The following BCCIP variants were observed in gnomAD, a reference collection of about 807,000 sequenced individuals.
The protein encoded by BCCIP is BRCA2 and CDKN1A-interacting protein.
BCCIP carries 23 observed loss-of-function variants against 32.8 expected under a neutral mutation model. The observed-to-expected ratio is 0.70, with a 90% CI of 0.51 to 0.99. The LOEUF is 0.99. Among genes scored for constraint, BCCIP ranks in the 50% least tolerant of loss-of-function variants. The pLI is 0.00. For missense variants in BCCIP, 378 were observed against 379.8 expected, an observed-to-expected ratio of 1.00 and a Z score of 0.04; for synonymous variants, 144 against 137.6, an observed-to-expected ratio of 1.05 and a Z score of -0.33.
At chr10:125,845,386 A>C (rs1944003961), downstream of BCCIP, among the ~76,000 whole-genome samples, 1 of 152,258 alleles carries the variant, frequency 6.6e-6, no homozygotes, top group Non-Finnish European at 1.5e-5. Flanking sequence ...AAGGTAGCTG[A>C]CATTATGCAA....
chr10:125,838,948 G>C, downstream of BCCIP: 1 of 1,526,146 alleles, frequency 6.6e-7, no homozygotes, highest in Non-Finnish European at 8.9e-7. Context: ...AGCATATCCT[G>C]AGTATGTGCA....
At chr10:125,839,288 C>G (rs1430186532), downstream of BCCIP, 2 of 1,275,186 alleles carry the variant, frequency 1.6e-6, no homozygotes, top group Non-Finnish European at 2.2e-6. Flanking sequence ...GTGCTCTCCT[C>G]TCCTACAAAG....
intron 6 of BCCIP, among the ~76,000 whole-genome samples, chr10:125,835,578 C>CA (rs5788716): frequency 1.4e-5 from 2 of 144,716 alleles, no homozygotes; most frequent in African/African-American, 2.5e-5. Context: ...GACTCTGTCT[C>CA]AAAAAAAAAA....
intron 2 of BCCIP, among the ~76,000 whole-genome samples, chr10:125,827,170 T>C (rs1346512122): frequency 6.6e-6 from 1 of 152,048 alleles, no homozygotes; most frequent in Non-Finnish European, 1.5e-5. Context: ...AACAGTCATA[T>C]AACTGTGCTG....
downstream of BCCIP, among the ~76,000 whole-genome samples, chr10:125,839,492 C>T (rs1382469845): frequency 2.0e-5 from 3 of 152,158 alleles, no homozygotes; most frequent in Admixed American, 6.5e-5. Flanking sequence ...TTCACTAACC[C>T]GTGGCTCATA....
chr10:125,849,126 G>T (rs959245538), intron 7 of BCCIP, among the ~76,000 whole-genome samples: 2 of 152,168 alleles, frequency 1.3e-5, no homozygotes, highest in African/African-American at 4.8e-5. Context: ...AGTTCACAGG[G>T]ACATGGTCAG....
chr10:125,834,704 G>A (rs1271449360), intron 6 of BCCIP, among the ~76,000 whole-genome samples: 2 of 151,892 alleles, frequency 1.3e-5, no homozygotes, highest in Non-Finnish European at 1.5e-5. Context: ...CCAGCTACTC[G>A]GAAGGCTAAG....
chr10:125,845,303 T>C (rs1944000630), downstream of BCCIP, among the ~76,000 whole-genome samples: 1 of 152,222 alleles, frequency 6.6e-6, no homozygotes, highest in Non-Finnish European at 1.5e-5. Flanking sequence ...CAGGTCTCTT[T>C]TGTTATAACA....
intron 7 of BCCIP, among the ~76,000 whole-genome samples, chr10:125,850,421 A>G (rs1944075923): frequency 7.0e-6 from 1 of 142,414 alleles, no homozygotes; most frequent in African/African-American, 2.7e-5. Flanking sequence ...GCAATGGCGC[A>G]ATCTTGGTTC....
rs753073267 is a variant in BCCIP at position 125,849,262 on chromosome 10, C to T, written c.851-3863C>T. Reference sequence around the variant, plus strand: ...CCATCTTTCCGCCTGCACTGTTGCACGCAAAAACATATCAACTTAAATGAT... The same window carrying T: ...CCATCTTTCCGCCTGCACTGTTGCATGCAAAAACATATCAACTTAAATGAT... On this transcript the variant is annotated intron_variant, in intron 7 of 7. Transcript: ENST00000368759. Among the ~76,000 whole-genome samples the T allele has an allele frequency of 3.9e-5, 6 of 152,182 alleles. No homozygotes were observed. The South Asian group carries it at 8.3e-4, about 21-fold the overall frequency.
intron 3 of BCCIP, among the ~76,000 whole-genome samples, chr10:125,829,190 C>T (rs536810405): frequency 6.6e-6 from 1 of 152,178 alleles, no homozygotes; most frequent in African/African-American, 2.4e-5. Context: ...GCCACAGTAC[C>T]TTAATCTGTT....
chr10:125,836,931 C>A, downstream of BCCIP: 1 of 1,299,166 alleles, frequency 7.7e-7, no homozygotes, highest in Non-Finnish European at 1.1e-6. Flanking sequence ...TGTCTGGGCA[C>A]TTCCCATCCC....
chr10:125,836,936 C>T (rs1564821120), downstream of BCCIP: 1 of 1,263,462 alleles, frequency 7.9e-7, no homozygotes, highest in South Asian at 1.4e-5. Flanking sequence ...GGGCACTTCC[C>T]ATCCCTGGAG....
Position 125,836,444 on chromosome 10 carries a change from T to C in BCCIP, c.*170T>C. 4 of 1,432,496 alleles carry C rather than the reference T, an allele frequency of 2.8e-6. No homozygotes were observed. The highest frequency in any genetic ancestry group is 3.6e-6 in the Non-Finnish European group (4 of 1,099,870). The allele number at this position is 1,432,496 out of a possible 1,614,324, so 88.7% of individuals were successfully genotyped here. On this transcript the variant is annotated 3_prime_UTR_variant, in exon 7 of 7. Coordinates refer to ENST00000278100, the MANE Select transcript of BCCIP (RefSeq NM_078468.3). ...ACAAAATACCAGTTTTTTAAAATTT[T>C]GGTCAAATTATGAGTGGTTGATTTA...
At chr10:125,835,947 T>C (rs1459784015) in intron 6 of BCCIP, among the ~76,000 whole-genome samples, 157 bp from the exon 7 acceptor site, 1 of 152,270 alleles carries the variant, frequency 6.6e-6, no homozygotes, top group Non-Finnish European at 1.5e-5. Flanking sequence ...TCTGCCTGAA[T>C]GTCCCATTTG....
chr10:125,852,735 C>T (rs1200456559), intron 7 of BCCIP: 1 of 1,149,282 alleles, frequency 8.7e-7, no homozygotes, highest in Admixed American at 2.5e-5. Flanking sequence ...CAGTACTTTA[C>T]TCCATGAAAT....
chr10:125,825,192 C>T (rs145291979), intron 1 of BCCIP, among the ~76,000 whole-genome samples: 1 of 152,332 alleles, frequency 6.6e-6, no homozygotes, highest in African/African-American at 2.4e-5. Flanking sequence ...GGACAGGGCT[C>T]TTTTCTACAA....
intron 6 of BCCIP, among the ~76,000 whole-genome samples, chr10:125,834,538 C>G (rs1007659092): frequency 1.3e-5 from 2 of 151,956 alleles, no homozygotes; most frequent in Non-Finnish European, 2.9e-5. Flanking sequence ...TGCGGTGGTG[C>G]ACACCTGTAA....
exon 7 of BCCIP, chr10:125,841,704 G>C (rs372817769): frequency 6.3e-7 from 1 of 1,592,330 alleles, no homozygotes; most frequent in Non-Finnish European, 8.5e-7. Context: ...ACCTAGTGCA[G>C]ATTTGCAAAA....
Sources: allele counts gnomAD v4.1 joint callset (sites outside exome capture counted in the v4.1 genomes callset), GRCh38; gene constraint gnomAD v4.1.1; transcripts MANE v1.5; gene names NCBI Gene and HGNC (gene_info 2026-07-23, HGNC 2026-07-21).